NSRP1: variants seen among roughly 807,000 people sequenced by gnomAD.
NSRP1 encodes the protein coiled-coil domain containing 55.
NSRP1 carries 24 observed loss-of-function variants against 54.7 expected under a neutral mutation model. The ratio of observed to expected loss-of-function variants is 0.44; its 90% CI spans 0.32 to 0.62. The LOEUF is 0.62. NSRP1 is among the 20% of genes least tolerant of loss of function. The pLI, the probability that NSRP1 is intolerant of heterozygous loss-of-function variation, is 0.06. For missense variants in NSRP1, 596 were observed against 651.2 expected, an observed-to-expected ratio of 0.92 and a Z score of 0.92; for synonymous variants, 210 against 213.8, an observed-to-expected ratio of 0.98 and a Z score of 0.15.
intron 2 of NSRP1, among the ~76,000 whole-genome samples, chr17:30,119,542 G>A (rs1222338958): frequency 2.0e-5 from 3 of 151,364 alleles, no homozygotes; most frequent in African/African-American, 4.9e-5. Context: ...TCCCTCTTTC[G>A]CCCAGGCTGG....
chr17:30,177,870 C>T, intron 3 of NSRP1: 1 of 632,960 alleles, frequency 1.6e-6, no homozygotes, highest in Non-Finnish European at 2.8e-6. Flanking sequence ...AACAAACTTG[C>T]CCGGAGTAAT....
chr17:30,157,439 T>C (rs1904349015), intron 2 of NSRP1, among the ~76,000 whole-genome samples: 1 of 152,194 alleles, frequency 6.6e-6, no homozygotes, highest in Admixed American at 6.5e-5. Flanking sequence ...TGTTTTATCA[T>C]TTTTATATGT....
intron 2 of NSRP1, among the ~76,000 whole-genome samples, chr17:30,161,938 T>C (rs535668577): frequency 1.4e-4 from 22 of 152,320 alleles, no homozygotes; most frequent in African/African-American, 5.3e-4. Context: ...TTCACCTCTT[T>C]AGTTATTGCT....
intron 2 of NSRP1, among the ~76,000 whole-genome samples, chr17:30,169,410 TA>T (rs1463319292): frequency 6.6e-6 from 1 of 152,082 alleles, no homozygotes; most frequent in Non-Finnish European, 1.5e-5. Flanking sequence ...TTTGGAGATG[TA>T]ATCTTCTCAG....
At chr17:30,118,052 A>C (rs1597589257) in intron 1 of NSRP1, 28 bp from the exon 2 acceptor site, 1 of 1,557,676 alleles carries the variant, frequency 6.4e-7, no homozygotes, top group South Asian at 1.1e-5. Flanking sequence ...TAAAGGTTTA[A>C]TTTCTATTTC....
intron 2 of NSRP1, chr17:30,122,605 T>C (rs1437079694): frequency 6.6e-6 from 1 of 151,062 alleles, no homozygotes; most frequent in Non-Finnish European, 1.5e-5. Flanking sequence ...GTTTTCACCA[T>C]GGTGGCCAGC....
intron 2 of NSRP1, among the ~76,000 whole-genome samples, chr17:30,122,814 T>G (rs1053421060): frequency 6.6e-6 from 1 of 152,142 alleles, no homozygotes; most frequent in Non-Finnish European, 1.5e-5. Flanking sequence ...GTCTAACATT[T>G]CTTTTTTATT....
chr17:30,163,189 T>TG (rs1904589122), intron 2 of NSRP1: 1 of 121,560 alleles, frequency 8.2e-6, no homozygotes, highest in East Asian at 2.2e-4. Context: ...CCGGCTAATT[T>TG]TGTGTGTGTG....
At chr17:30,179,327 G>GA (rs1377814967) in intron 5 of NSRP1, 30 bp downstream of exon 5, 5 of 1,540,996 alleles carry the variant, frequency 3.2e-6, no homozygotes, top group Non-Finnish European at 4.4e-6. Context: ...AAGGCACAAG[G>GA]AAACAGTAGC....
At chr17:30,173,793 CTG>C (rs1905036308) in intron 3 of NSRP1, among the ~76,000 whole-genome samples, 1 of 152,198 alleles carries the variant, frequency 6.6e-6, no homozygotes, top group Admixed American at 6.5e-5. Context: ...AATGGTAGGG[CTG>C]TGTTCAAAAC....
intron 2 of NSRP1, among the ~76,000 whole-genome samples, chr17:30,146,436 C>G (rs760042085): frequency 2.0e-5 from 3 of 151,988 alleles, no homozygotes; most frequent in Non-Finnish European, 2.9e-5. Flanking sequence ...GCTATCTTGC[C>G]CATGCTGGTC....
intron 2 of NSRP1, among the ~76,000 whole-genome samples, chr17:30,133,580 G>A (rs1288012759): frequency 6.6e-6 from 1 of 152,174 alleles, no homozygotes; most frequent in Non-Finnish European, 1.5e-5. Context: ...TTTTCAAATT[G>A]TCAATGAGAG....
intron 2 of NSRP1, among the ~76,000 whole-genome samples, chr17:30,123,207 T>A (rs977086419): frequency 6.6e-6 from 1 of 152,168 alleles, no homozygotes; most frequent in African/African-American, 2.4e-5. Context: ...TCAACCAGTT[T>A]CCCTGCTTCA....
chr17:30,157,828 G>A (rs565595792), intron 2 of NSRP1, among the ~76,000 whole-genome samples: 3 of 152,246 alleles, frequency 2.0e-5, no homozygotes, highest in South Asian at 2.1e-4. Context: ...CCATGTTGCT[G>A]CAAATGACAT....
intron 2 of NSRP1, among the ~76,000 whole-genome samples, chr17:30,159,579 T>C (rs1296253116): frequency 6.6e-6 from 1 of 152,222 alleles, no homozygotes; most frequent in East Asian, 1.9e-4. Flanking sequence ...AGCTTTTCTC[T>C]GTTCAGTATG....
At chr17:30,126,151 T>C (rs1251166191) in intron 2 of NSRP1, 1 of 152,228 alleles carries the variant, frequency 6.6e-6, no homozygotes, top group South Asian at 2.1e-4. Context: ...AGCACAGTTA[T>C]AATCACTGAT....
intron 2 of NSRP1, among the ~76,000 whole-genome samples, chr17:30,159,234 T>TGC (rs1301717060): frequency 6.6e-6 from 1 of 152,302 alleles, no homozygotes; most frequent in Non-Finnish European, 1.5e-5. Context: ...GAAATATGAT[T>TGC]GCTTTCTTGA....
chr17:30,172,349 T>A (rs1567804565), intron 2 of NSRP1, among the ~76,000 whole-genome samples, 193 bp from the exon 3 acceptor site: 1 of 152,210 alleles, frequency 6.6e-6, no homozygotes, highest in East Asian at 1.9e-4. Context: ...AGCACTAATG[T>A]GAAGCTCAAA....
chr17:30,136,369 CATT>C (rs1176537891), intron 2 of NSRP1, among the ~76,000 whole-genome samples: 2 of 152,004 alleles, frequency 1.3e-5, no homozygotes, highest in African/African-American at 4.8e-5. Context: ...ATTACTCTAG[CATT>C]ATAATCTCTT....
Sources: allele counts gnomAD v4.1 joint callset (sites outside exome capture counted in the v4.1 genomes callset), GRCh38; gene constraint gnomAD v4.1.1; transcripts MANE v1.5; gene names NCBI Gene and HGNC (gene_info 2026-07-23, HGNC 2026-07-21).